The following KCNK10 variants were observed in gnomAD, a reference collection of about 807,000 sequenced individuals.
KCNK10 encodes the protein potassium channel subfamily K member 10.
In KCNK10, 25 loss-of-function variants were observed where a neutral mutation model predicts 47.7. That is an observed-to-expected ratio of 0.52 (90% CI 0.38 to 0.73). KCNK10 has a LOEUF of 0.73. KCNK10 is among the 30% of genes least tolerant of loss of function. The pLI is 0.00. For synonymous variants in KCNK10, 303 were observed against 285.6 expected, an observed-to-expected ratio of 1.06 and a Z score of -0.61; for missense variants, 563 against 714.5, an observed-to-expected ratio of 0.79 and a Z score of 2.42.
intron 2 of KCNK10, among the ~76,000 whole-genome samples, chr14:88,252,524 C>T (rs1350954487): frequency 6.6e-6 from 1 of 152,164 alleles, no homozygotes; most frequent in African/African-American, 2.4e-5. Flanking sequence ...AGATTACCAA[C>T]ATCTCCTTGG....
At chr14:88,234,409 A>G (rs1279942693) in intron 3 of KCNK10, among the ~76,000 whole-genome samples, 1 of 152,216 alleles carries the variant, frequency 6.6e-6, no homozygotes, top group Non-Finnish European at 1.5e-5. Context: ...CTTGTTGCAT[A>G]TGACTTTCTG....
chr14:88,199,823 T>C (rs1187873813), intron 4 of KCNK10, among the ~76,000 whole-genome samples: 1 of 152,226 alleles, frequency 6.6e-6, no homozygotes, highest in African/African-American at 2.4e-5. Context: ...ATGCATTTTC[T>C]GTGACCTTAT....
chr14:88,277,475 A>T (rs1465721129), intron 1 of KCNK10, among the ~76,000 whole-genome samples: 2 of 152,246 alleles, frequency 1.3e-5, no homozygotes, highest in Admixed American at 6.5e-5. Flanking sequence ...TTAGAGGAAG[A>T]GAGAAACCTA....
intron 2 of KCNK10, among the ~76,000 whole-genome samples, chr14:88,248,051 C>T (rs1343915681): frequency 6.6e-6 from 1 of 152,196 alleles, no homozygotes; most frequent in Non-Finnish European, 1.5e-5. Context: ...TCAGTTTGGA[C>T]TTACACTCTA....
At chr14:88,310,793 C>T (rs532732629) in intron 1 of KCNK10, among the ~76,000 whole-genome samples, 1 of 152,242 alleles carries the variant, frequency 6.6e-6, no homozygotes, top group East Asian at 1.9e-4. Context: ...CCTCTGGACA[C>T]ACCAGGAACA....
At chr14:88,285,543 G>A (rs1255749563) in intron 1 of KCNK10, among the ~76,000 whole-genome samples, 1 of 152,144 alleles carries the variant, frequency 6.6e-6, no homozygotes, top group African/African-American at 2.4e-5. Context: ...ATCTCAATAT[G>A]CTCCCACAGC....
chr14:88,262,189 T>C (rs1887129827), intron 2 of KCNK10, among the ~76,000 whole-genome samples: 1 of 152,174 alleles, frequency 6.6e-6, no homozygotes, highest in African/African-American at 2.4e-5. Context: ...TTCCAAACTT[T>C]AGAGCCCCCA....
At chr14:88,227,097 T>G (rs368915971) in intron 4 of KCNK10, among the ~76,000 whole-genome samples, 7 of 152,212 alleles carry the variant, frequency 4.6e-5, no homozygotes, top group African/African-American at 1.4e-4. Flanking sequence ...GAAACTGAAC[T>G]TGTCTCACCT....
At chr14:88,228,109 C>A (rs1886043858) in intron 3 of KCNK10, among the ~76,000 whole-genome samples, 1 of 151,362 alleles carries the variant, frequency 6.6e-6, no homozygotes, top group Admixed American at 6.6e-5. Context: ...TGCTGTCTCT[C>A]CCCACCGCCA....
chr14:88,188,455 T>G (rs1175535723), intron 5 of KCNK10, among the ~76,000 whole-genome samples: 1 of 152,220 alleles, frequency 6.6e-6, no homozygotes, highest in Non-Finnish European at 1.5e-5. Context: ...TTGTCATTGT[T>G]TTTTCTTAAA....
At chr14:88,247,218 CACACCCAGCCTGGG>C (rs1190400853) in intron 2 of KCNK10, among the ~76,000 whole-genome samples, 2 of 152,148 alleles carry the variant, frequency 1.3e-5, no homozygotes, top group Non-Finnish European at 2.9e-5. Flanking sequence ...CAGGCTGGCT[CACACCCAGCCTGGG>C]ACACCCAGCT....
At position 88,185,295 on chromosome 14, in the gene KCNK10, G is replaced by A. The variant is rs942753944; in HGVS notation, c.*240C>T. ...GCCCTTAACATGTACGGCCAGAACC[G>A]GCTACGTGCACGGACACTCTTGGTG... On this transcript the variant is annotated 3_prime_UTR_variant, in exon 7 of 7. Transcript: ENST00000319231. The surrounding 1 kb of genome is among the most constrained non-coding windows in gnomAD (Gnocchi z 4.3). The A allele has an allele frequency of 5.7e-6, 3 of 528,428 alleles. No individual in the cohort carries two copies. Among genetic ancestry groups the A allele is most frequent in the African/African-American group, 1.9e-5 (1 of 52,356 alleles). 32.7% of individuals were successfully genotyped at this position (528,428 alleles called of 1,614,324 possible).
chr14:88,322,689 C>A lies in KCNK10; in HGVS notation c.52+58G>T. ...GCAAGAGTGCTTCCACTCAAGGAAG[C>A]GCGCACACGCCGGAGACAGAGGCAG... is the stretch of plus-strand genomic sequence containing the variant. On this transcript the variant is annotated intron_variant, in intron 1 of 6. Coordinates refer to ENST00000319231, the MANE Select transcript of KCNK10 (RefSeq NM_138317.3). This position sits in a 1 kb window ranked among gnomAD's most constrained non-coding sequence, Gnocchi z 4.8. 6.2e-7 allele frequency: 1 copy of A among 1,608,136 alleles called. No individual in the cohort carries two copies. The highest frequency in any genetic ancestry group is 8.5e-7 in the Non-Finnish European group (1 of 1,174,754).
chr14:88,303,558 ATACGC>A (rs1204458243), intron 1 of KCNK10, among the ~76,000 whole-genome samples: 1 of 152,020 alleles, frequency 6.6e-6, no homozygotes, highest in Admixed American at 6.5e-5. Flanking sequence ...AAGCCCATGT[ATACGC>A]TAGTAGGAAT....
At position 88,245,057 on chromosome 14, in the gene KCNK10, C is replaced by T. The variant is rs183567340; in HGVS notation, c.403-4237G>A. On this transcript the variant is annotated intron_variant, in intron 2 of 6. Transcript: ENST00000319231. ...GCCTCTAAGCTGGCATTTCCAGCAC[C>T]CACTCAGCTACCCAGTAAATGGCAC... is the stretch of plus-strand genomic sequence containing the variant. Among the ~76,000 whole-genome samples the T allele has an allele frequency of 6.5e-4, 99 of 152,270 alleles. 1 individual carries two copies. The highest frequency in any genetic ancestry group is 2.4e-3 in the Admixed American group (36 of 15,300).
intron 4 of KCNK10, among the ~76,000 whole-genome samples, chr14:88,195,370 A>G (rs1332228555): frequency 1.3e-5 from 2 of 152,378 alleles, no homozygotes; most frequent in African/African-American, 2.4e-5. Flanking sequence ...CACTTAGCAC[A>G]GTGCCTGGTT....
At chr14:88,276,119 C>T (rs764285564) in intron 1 of KCNK10, among the ~76,000 whole-genome samples, 2 of 151,976 alleles carry the variant, frequency 1.3e-5, no homozygotes, top group Non-Finnish European at 1.5e-5. Context: ...ATTACTGCTA[C>T]GGTCTGAATT....
intron 1 of KCNK10, among the ~76,000 whole-genome samples, chr14:88,281,039 C>T (rs1887640188): frequency 6.6e-6 from 1 of 152,160 alleles, no homozygotes; most frequent in African/African-American, 2.4e-5. Context: ...GAATAAAATG[C>T]AAGCCCCTTA....
At chr14:88,203,470 T>C (rs901942272) in intron 4 of KCNK10, among the ~76,000 whole-genome samples, 4 of 152,188 alleles carry the variant, frequency 2.6e-5, no homozygotes, top group African/African-American at 9.7e-5. Context: ...AGGACACAGC[T>C]CAATTGGACA....
Sources: allele counts gnomAD v4.1 joint callset (sites outside exome capture counted in the v4.1 genomes callset), GRCh38; gene constraint gnomAD v4.1.1; non-coding constraint Gnocchi (gnomAD v3.1); transcripts MANE v1.5; gene names NCBI Gene and HGNC (gene_info 2026-07-23, HGNC 2026-07-21).